Variants in NECTIN3 observed in about 807,000 individuals in gnomAD.
NECTIN3 encodes nectin-3.
Under a neutral mutation model 49.4 loss-of-function variants are expected in NECTIN3, and 8 were observed. The observed-to-expected ratio is 0.16, with a 90% CI of 0.10 to 0.29. The LOEUF (loss-of-function observed/expected upper bound fraction) is 0.29, where lower values mean the gene tolerates loss of function less well. NECTIN3 is among the 10% of genes least tolerant of loss of function. NECTIN3 has a pLI of 1.00. For missense variants in NECTIN3, 581 were observed against 654.6 expected (o/e 0.89, Z 1.23); for synonymous variants, 277 against 241.1 (o/e 1.15, Z -1.38).
chr3:111,156,020 A>T (rs1019313478), intron 7 of NECTIN3, among the ~76,000 whole-genome samples: 1 of 152,152 alleles, frequency 6.6e-6, no homozygotes, highest in Non-Finnish European at 1.5e-5. Flanking sequence ...CTGATTTCAC[A>T]TATTTATGTC....
At position 111,136,392 on chromosome 3, in the gene NECTIN3, G is replaced by A; in HGVS notation, c.*2177G>A. Reference sequence around the variant, plus strand: ...TTTTGTGTTTGTTTGGCGGGAGAGGGTGACCTGGAAAGCCACAAGTGAGTA... The same window carrying A: ...TTTTGTGTTTGTTTGGCGGGAGAGGATGACCTGGAAAGCCACAAGTGAGTA... On this transcript the variant is annotated 3_prime_UTR_variant, in exon 6 of 6. Coordinates refer to ENST00000485303, the MANE Select transcript of NECTIN3 (RefSeq NM_015480.3). 1 of 984,602 alleles carries A rather than the reference G, an allele frequency of 1.0e-6. No individual in the cohort carries two copies. The highest frequency in any genetic ancestry group is 1.2e-6 in the Non-Finnish European group (1 of 829,416). The allele number at this position is 984,602 out of a possible 1,614,324, so 61.0% of individuals were successfully genotyped here.
chr3:111,157,600 C>T (rs2035123363), intron 7 of NECTIN3, among the ~76,000 whole-genome samples: 1 of 152,092 alleles, frequency 6.6e-6, no homozygotes, highest in African/African-American at 2.4e-5. Context: ...GACTAGAATA[C>T]TCAGTGTAAA....
chr3:111,086,023 G>T (rs1323744802), intron 1 of NECTIN3, among the ~76,000 whole-genome samples: 2 of 152,094 alleles, frequency 1.3e-5, no homozygotes, highest in African/African-American at 4.8e-5. Flanking sequence ...GCATGTAGTG[G>T]TGATTGTGAT....
At chr3:111,097,413 T>TG (rs2032654413) in intron 1 of NECTIN3, among the ~76,000 whole-genome samples, 1 of 152,196 alleles carries the variant, frequency 6.6e-6, no homozygotes, top group Non-Finnish European at 1.5e-5. Flanking sequence ...GAGTTAATGC[T>TG]GAAATGAGTT....
intron 4 of NECTIN3, among the ~76,000 whole-genome samples, chr3:111,124,227 C>G (rs1324834168): frequency 6.6e-6 from 1 of 152,074 alleles, no homozygotes; most frequent in South Asian, 2.1e-4. Flanking sequence ...ATCCCAATGT[C>G]TAAACTTCTA....
intron 5 of NECTIN3, among the ~76,000 whole-genome samples, chr3:111,131,225 A>C (rs1033277105): frequency 3.3e-5 from 5 of 152,034 alleles, no homozygotes; most frequent in African/African-American, 1.2e-4. Context: ...AAGGAAACTT[A>C]AAGTTCTTCA....
intron 7 of NECTIN3, among the ~76,000 whole-genome samples, chr3:111,186,203 A>T: frequency 6.6e-6 from 1 of 152,034 alleles, no homozygotes; most frequent in East Asian, 1.9e-4. Flanking sequence ...ATTAGGAAAA[A>T]CTATTTTAAA....
chr3:111,168,399 T>TA (rs2035362613), intron 7 of NECTIN3, among the ~76,000 whole-genome samples: 1 of 152,124 alleles, frequency 6.6e-6, no homozygotes, highest in African/African-American at 2.4e-5. Flanking sequence ...CATACACACA[T>TA]ACATACACAG....
intron 1 of NECTIN3, among the ~76,000 whole-genome samples, chr3:111,099,765 G>A (rs972625331): frequency 1.3e-5 from 2 of 152,126 alleles, no homozygotes; most frequent in Non-Finnish European, 2.9e-5. Flanking sequence ...TGATGCTGGG[G>A]TTAGGGGAGT....
At chr3:111,171,344 A>G (rs2035429044) in intron 7 of NECTIN3, among the ~76,000 whole-genome samples, 1 of 152,172 alleles carries the variant, frequency 6.6e-6, no homozygotes, top group African/African-American at 2.4e-5. Flanking sequence ...CTTGGGGGAA[A>G]TCCTTTCACC....
chr3:111,152,022 A>G (rs1376208523), intron 7 of NECTIN3, among the ~76,000 whole-genome samples: 1 of 151,866 alleles, frequency 6.6e-6, no homozygotes. Flanking sequence ...ATATACATAT[A>G]CCTTGTTACA....
chr3:111,180,126 C>T (rs1218220270), intron 7 of NECTIN3, among the ~76,000 whole-genome samples: 1 of 151,938 alleles, frequency 6.6e-6, no homozygotes, highest in Non-Finnish European at 1.5e-5. Context: ...TACTAAATAC[C>T]CCTATCTTTT....
chr3:111,192,508 C>T, intron 1 of NECTIN3: 1 of 1,195,280 alleles, frequency 8.4e-7, no homozygotes, highest in Non-Finnish European at 1.2e-6. Context: ...TCATTTTATT[C>T]ATCTTTCCCC....
chr3:111,163,611 C>A (rs1432709360), intron 7 of NECTIN3, among the ~76,000 whole-genome samples: 2 of 152,070 alleles, frequency 1.3e-5, no homozygotes, highest in South Asian at 2.1e-4. Flanking sequence ...AATTCATTTA[C>A]CTTATATTTG....
chr3:111,119,431 A>C lies in NECTIN3; in HGVS notation c.799+479A>C, dbSNP rs374949385. Among the ~76,000 whole-genome samples, 8 of 152,156 alleles carry C rather than the reference A, an allele frequency of 5.3e-5. 1 individual carries two copies. The East Asian group carries it at 1.4e-3, about 26-fold the overall frequency. On this transcript the variant is annotated intron_variant, in intron 3 of 5. Coordinates refer to ENST00000485303, the MANE Select transcript of NECTIN3 (RefSeq NM_015480.3). ...ACTGCAACTTCCGCCTCCCGGGTTC[A>C]AGTGATTCTCCTGCCTCAGCCTCCC... is the stretch of plus-strand genomic sequence containing the variant.
intron 7 of NECTIN3, among the ~76,000 whole-genome samples, chr3:111,158,702 C>A (rs1482051490): frequency 6.6e-6 from 1 of 152,088 alleles, no homozygotes; most frequent in Admixed American, 6.6e-5. Flanking sequence ...CACACACACA[C>A]AAATTAATTG....
chr3:111,167,884 C>CT (rs111808236), intron 7 of NECTIN3, among the ~76,000 whole-genome samples: 35 of 151,334 alleles, frequency 2.3e-4, no homozygotes, highest in African/African-American at 8.5e-4. Context: ...CTTTTTTTTT[C>CT]TTTTTTGGAC....
intron 1 of NECTIN3, among the ~76,000 whole-genome samples, chr3:111,076,059 A>G (rs2031173344): frequency 6.6e-6 from 1 of 152,138 alleles, no homozygotes; most frequent in Admixed American, 6.6e-5. Context: ...GTTATCTACA[A>G]CATCAGAAAT....
At chr3:111,175,373 C>T (rs1055816917) in intron 7 of NECTIN3, among the ~76,000 whole-genome samples, 1 of 151,532 alleles carries the variant, frequency 6.6e-6, no homozygotes, top group African/African-American at 2.4e-5. Flanking sequence ...GGCAACCACC[C>T]TCTTCTACCC....
Sources: gnomAD v4.1 joint callset for allele counts (sites outside exome capture counted in the v4.1 genomes callset) on GRCh38, gnomAD v4.1.1 for gene constraint, MANE v1.5 for transcripts, NCBI Gene and HGNC (gene_info 2026-07-23, HGNC 2026-07-21) for gene names.